Variants in EGFR observed in about 807,000 individuals in gnomAD.
EGFR encodes the protein avian erythroblastic leukemia viral (v-erb-b) oncogene homolog.
EGFR carries 58 observed loss-of-function variants against 143.0 expected under a neutral mutation model. The observed-to-expected ratio is 0.41, with a 90% confidence interval of 0.33 to 0.50. EGFR has a LOEUF of 0.50. Ranked by LOEUF, EGFR falls within the 20% of genes least tolerant of loss-of-function variation. EGFR has a pLI of 0.39. For synonymous variants in EGFR, 613 were observed against 594.4 expected, an observed-to-expected ratio of 1.03 and a Z score of -0.45; for missense variants, 1,307 against 1,579.0, an observed-to-expected ratio of 0.83 and a Z score of 2.92.
At chr7:55,143,527 G>T in intron 3 of EGFR, 39 bp downstream of exon 3, 1 of 1,610,410 alleles carries the variant, frequency 6.2e-7, no homozygotes, top group Non-Finnish European at 8.5e-7. Flanking sequence ...GTTCATAAAT[G>T]CAGACAGCAG....
chr7:55,069,650 G>C (rs1347404382), intron 1 of EGFR, among the ~76,000 whole-genome samples: 1 of 152,204 alleles, frequency 6.6e-6, no homozygotes, highest in Non-Finnish European at 1.5e-5. Context: ...GATGAGCAAA[G>C]ACACACTCCT....
chr7:55,117,618 C>A (rs1470118211), intron 1 of EGFR, among the ~76,000 whole-genome samples: 1 of 152,160 alleles, frequency 6.6e-6, no homozygotes, highest in Admixed American at 6.5e-5. Context: ...AAAAAATAAT[C>A]CCAAAGCAGC....
rs543347490 is a variant in EGFR at position 55,066,614 on chromosome 7, A to G, written c.88+47249A>G. 1.1e-4 allele frequency among the ~76,000 whole-genome samples: 17 copies of G among 152,332 alleles called. No individual in the cohort carries two copies. The South Asian group carries it at 3.3e-3, about 30-fold the overall frequency. On this transcript the variant is annotated intron_variant, in intron 1 of 27. Coordinates refer to ENST00000275493, the MANE Select transcript of EGFR (RefSeq NM_005228.5). The stretch of plus-strand genomic sequence containing the variant: ...TGGTTTGCTTGGTTACAAAAAGGGC[A>G]GTTCAAAAGCTTTGGTTGCTATTGT...
At chr7:55,179,617 G>A (rs946123426) in intron 19 of EGFR, 4 of 152,356 alleles carry the variant, frequency 2.6e-5, no homozygotes, top group African/African-American at 7.2e-5. Context: ...GGGACGGCCA[G>A]GGCAGGGTTT....
intron 20 of EGFR, among the ~76,000 whole-genome samples, chr7:55,187,598 A>G (rs1199645416): frequency 1.3e-5 from 2 of 152,136 alleles, no homozygotes; most frequent in Non-Finnish European, 2.9e-5. Context: ...CACTTACTCT[A>G]TGCCTGCCTG....
intron 8 of EGFR, 113 bp from the exon 9 acceptor site, chr7:55,156,420 C>G: frequency 7.1e-7 from 1 of 1,417,544 alleles, no homozygotes; most frequent in Non-Finnish European, 9.8e-7. Flanking sequence ...GATGATGTGG[C>G]AGTGGCGGTT....
intron 20 of EGFR, among the ~76,000 whole-genome samples, chr7:55,184,036 ACT>A (rs1375618059): frequency 6.6e-6 from 1 of 152,086 alleles, no homozygotes; most frequent in Non-Finnish European, 1.5e-5. Flanking sequence ...TGAGCTCAGG[ACT>A]CCAGTGGACT....
At chr7:55,091,252 G>A (rs1791091011) in intron 1 of EGFR, among the ~76,000 whole-genome samples, 1 of 152,210 alleles carries the variant, frequency 6.6e-6, no homozygotes, top group African/African-American at 2.4e-5. Context: ...GTCATGTCAG[G>A]AAAAGCGCTA....
At chr7:55,141,204 G>T (rs946406484) in intron 1 of EGFR, among the ~76,000 whole-genome samples, 1 of 152,138 alleles carries the variant, frequency 6.6e-6, no homozygotes, top group Non-Finnish European at 1.5e-5. Context: ...GATAATTTGG[G>T]TTCAAATTAT....
At position 55,026,868 on chromosome 7, in the gene EGFR, C is replaced by CA. The variant is rs113196161; in HGVS notation, c.88+7514dup. Reference sequence around the variant, plus strand: ...CTAAAGAAAACCTCTCTTTAACTGCCAAAAAAAAAAAGGGAAAAAAAAAAG... The same window carrying CA: ...CTAAAGAAAACCTCTCTTTAACTGCCAAAAAAAAAAAAGGGAAAAAAAAAAG... On this transcript the variant is annotated intron_variant, in intron 1 of 27. Transcript: ENST00000275493. Among the ~76,000 whole-genome samples the CA allele has an allele frequency of 2.0e-3, 269 of 134,944 alleles. 2 individuals carry two copies. The highest frequency in any genetic ancestry group is 0.017 in the East Asian group (81 of 4,778). 88.5% of individuals were successfully genotyped at this position (134,944 alleles called of 152,430 possible).
intron 1 of EGFR, among the ~76,000 whole-genome samples, chr7:55,099,755 A>T (rs1022387742): frequency 1.3e-5 from 2 of 151,964 alleles, no homozygotes; most frequent in African/African-American, 2.4e-5. Context: ...CTGATTCCTG[A>T]GGAATCACAA....
chr7:55,047,937 G>A (rs1039549461), intron 1 of EGFR, among the ~76,000 whole-genome samples: 45 of 152,000 alleles, frequency 3.0e-4, no homozygotes, highest in African/African-American at 1.0e-3. Context: ...TCTATATCTA[G>A]ACAAATGTGA....
At position 55,019,965 on chromosome 7, in the gene EGFR, G is replaced by C. The variant is rs964593102; in HGVS notation, c.88+600G>C. On this transcript the variant is annotated intron_variant, in intron 1 of 27. Transcript: ENST00000275493. Reference sequence around the variant, plus strand: ...AGGTCTCAAACTGAAGCCGGCGCCCGCCAGCCTGGCCCCGGCCCCTCTCCA... The same window carrying C: ...AGGTCTCAAACTGAAGCCGGCGCCCCCCAGCCTGGCCCCGGCCCCTCTCCA... Among the ~76,000 whole-genome samples, 7 of 152,308 alleles carry C rather than the reference G, an allele frequency of 4.6e-5. No individual in the cohort carries two copies. The South Asian group carries it at 1.4e-3, about 32-fold the overall frequency.
At chr7:55,113,812 GT>G (rs1307702909) in intron 1 of EGFR, among the ~76,000 whole-genome samples, 3 of 152,176 alleles carry the variant, frequency 2.0e-5, no homozygotes, top group Non-Finnish European at 4.4e-5. Flanking sequence ...TTTTGATATG[GT>G]TTCAAGCCCC....
rs1279321151 is a variant in EGFR at position 55,201,737 on chromosome 7, T to C, written c.3117T>C (p.Ser1039=). 6.2e-7 allele frequency: 1 copy of C among 1,614,200 alleles called. No homozygotes were observed. Among genetic ancestry groups the C allele is most frequent in the Admixed American group, 1.7e-5 (1 of 60,032 alleles). The stretch of plus-strand genomic sequence containing the variant: ...CAACTTCTCTGTTTCTTTTTCAGAG[T>C]GCAACCAGCAACAATTCCACCGTGG... ...TSRTPLLSSL[S]ATSNNSTVAC... Residue 1039 remains serine (S), a splice_region_variant and synonymous_variant, in exon 26 of 28, where the codon AGT becomes AGC. Transcript: ENST00000275493.
At chr7:55,076,307 A>G (rs1583978345) in intron 1 of EGFR, among the ~76,000 whole-genome samples, 1 of 152,190 alleles carries the variant, frequency 6.6e-6, no homozygotes, top group East Asian at 1.9e-4. Context: ...AAGCCTTGTA[A>G]CTTCCTTCAA....
chr7:55,093,202 C>A (rs1369412864), intron 1 of EGFR, among the ~76,000 whole-genome samples: 1 of 152,198 alleles, frequency 6.6e-6, no homozygotes, highest in Non-Finnish European at 1.5e-5. Context: ...GTAAGCTCTT[C>A]CTGCTGGAAC....
chr7:55,203,157 C>CACCACACACAT (rs1163109965), intron 27 of EGFR: 1 of 240,498 alleles, frequency 4.2e-6, no homozygotes, highest in Non-Finnish European at 8.1e-6. Context: ...CATACACAGA[C>CACCACACACAT]ACCACACACA....
At chr7:55,146,470 ACT>A in intron 3 of EGFR, 134 bp from the exon 4 acceptor site, 1 of 1,412,880 alleles carries the variant, frequency 7.1e-7, no homozygotes, top group Middle Eastern at 2.4e-4. Flanking sequence ...CGGGAAGTTC[ACT>A]GGGCTAATTG....
Sources: gnomAD v4.1 joint callset for allele counts (sites outside exome capture counted in the v4.1 genomes callset) on GRCh38, gnomAD v4.1.1 for gene constraint, MANE v1.5 for transcripts, NCBI Gene and HGNC (gene_info 2026-07-23, HGNC 2026-07-21) for gene names.